Variants in CPOX observed in about 807,000 individuals in gnomAD.
The protein encoded by CPOX is oxygen-dependent coproporphyrinogen-III oxidase, mitochondrial.
In CPOX, 24 loss-of-function variants were observed where a neutral mutation model predicts 48.9. That is an observed-to-expected ratio of 0.49 (90% CI 0.36 to 0.69). The LOEUF (loss-of-function observed/expected upper bound fraction) is 0.69, where lower values mean the gene tolerates loss of function less well. CPOX is among the 30% of genes least tolerant of loss of function. The pLI, the probability that CPOX is intolerant of heterozygous loss-of-function variation, is 0.00. For synonymous variants in CPOX, 249 were observed against 234.6 expected (o/e 1.06, Z -0.56); for missense variants, 549 against 597.3 (o/e 0.92, Z 0.84).
chr3:98,585,144 T>C (rs1391626544), intron 5 of CPOX, among the ~76,000 whole-genome samples: 2 of 152,212 alleles, frequency 1.3e-5, no homozygotes, highest in Admixed American at 1.3e-4. Context: ...GAAGTCTACA[T>C]CTTGACATAA....
rs572522263 is a variant in CPOX at position 98,593,293 on chromosome 3, C to G, written c.212G>C (p.Gly71Ala). The change falls in exon 1 of 7, where the codon GGC becomes GCC. Residue 71 changes from glycine (G) to alanine (A), a missense_variant. Coordinates refer to ENST00000647941, the MANE Select transcript of CPOX (RefSeq NM_000097.7). ...GLGHGSTSRG[G>A]PWVGTGLAAA... ...GGCCAGCCCTGTCCCCACCCAGGGG[C>G]CGCCTCTCGACGTCGAGCCGTGCCC... 373 of 1,450,072 alleles carry G rather than the reference C, an allele frequency of 2.6e-4. No homozygotes were observed. In the African/African-American group the frequency reaches 4.8e-3, roughly 19 times the overall value. 89.8% of individuals were successfully genotyped at this position (1,450,072 alleles called of 1,614,324 possible). A position where few individuals can be genotyped will look rare whatever the true frequency, so the allele number is the denominator to read the frequency against.
In CPOX at chr3:98,593,556, G is replaced by A. The variant is rs1300021621; in HGVS notation, c.-52C>T. 2.0e-6 allele frequency: 3 copies of A among 1,492,616 alleles called. No homozygotes were observed. The highest frequency in any genetic ancestry group is 2.1e-5 in the Admixed American group (1 of 47,736). The allele number at this position is 1,492,616 out of a possible 1,614,324, so 92.5% of individuals were successfully genotyped here. On this transcript the variant is annotated 5_prime_UTR_variant, in exon 1 of 7. Transcript: ENST00000647941. ...GCCTGCGTCCCAGAGCCCTGCGTTT[G>A]AGCCCCCCACCCAGACCCCCGGAGT...
rs775384142 is a variant in CPOX, at chr3:98,579,607, C to T, written c.*1076G>A. 5.9e-5 allele frequency: 58 copies of T among 983,564 alleles called. No individual in the cohort carries two copies. Among genetic ancestry groups the T allele is most frequent in the South Asian group, 5.6e-4 (12 of 21,268 alleles). The allele number at this position is 983,564 out of a possible 1,614,324, so 60.9% of individuals were successfully genotyped here. A position where few individuals can be genotyped will look rare whatever the true frequency, so the allele number is the denominator to read the frequency against. The stretch of plus-strand genomic sequence containing the variant: ...ATGCTCTTCCTTATAAACTTTATTA[C>T]GAAGCAAATAAAATAATACATTCAT... On this transcript the variant is annotated 3_prime_UTR_variant, in exon 7 of 7. Coordinates refer to ENST00000647941, the MANE Select transcript of CPOX (RefSeq NM_000097.7).
intron 5 of CPOX, 77 bp downstream of exon 5, chr3:98,585,364 C>T (rs1464357316): frequency 2.6e-6 from 3 of 1,139,382 alleles, no homozygotes; most frequent in Non-Finnish European, 4.0e-6. Flanking sequence ...TATCTGACAA[C>T]ACAACACCCG....
chr3:98,578,990 GT>G (rs1707201227), downstream of CPOX, among the ~76,000 whole-genome samples: 2 of 152,324 alleles, frequency 1.3e-5, no homozygotes, highest in East Asian at 3.9e-4. Flanking sequence ...GGTTTGAAGA[GT>G]TTTGCTTCTT....
At chr3:98,588,959 G>A (rs1707421435) in intron 3 of CPOX, 105 bp from the exon 4 acceptor site, 2 of 1,328,416 alleles carry the variant, frequency 1.5e-6, no homozygotes, top group South Asian at 1.2e-5. Flanking sequence ...AGCATAAAAT[G>A]GATGACAATA....
At chr3:98,589,767 A>C (rs991482545) in intron 3 of CPOX, 1 of 152,340 alleles carries the variant, frequency 6.6e-6, no homozygotes, top group Non-Finnish European at 1.5e-5. Flanking sequence ...CTTCAAAATG[A>C]AAAGTTAAAG....
At chr3:98,574,685 G>A (rs572266108), downstream of CPOX, among the ~76,000 whole-genome samples, 3 of 152,142 alleles carry the variant, frequency 2.0e-5, no homozygotes, top group Non-Finnish European at 4.4e-5. Context: ...AGGTTCAAGC[G>A]ATTCTCCTGC....
At chr3:98,588,657 T>C in intron 4 of CPOX, 56 bp downstream of exon 4, 1 of 1,597,008 alleles carries the variant, frequency 6.3e-7, no homozygotes, top group Admixed American at 1.7e-5. Context: ...AATAGTTGCC[T>C]TCAGAAGGAA....
In CPOX at chr3:98,593,545, G is replaced by C. The variant is rs1707534267; in HGVS notation, c.-41C>G. 1.3e-6 allele frequency: 2 copies of C among 1,505,282 alleles called. No individual in the cohort carries two copies. The highest frequency in any genetic ancestry group is 1.4e-5 in the African/African-American group (1 of 71,226). 93.2% of individuals were successfully genotyped at this position (1,505,282 alleles called of 1,614,324 possible). A position where few individuals can be genotyped will look rare whatever the true frequency, so the allele number is the denominator to read the frequency against. On this transcript the variant is annotated 5_prime_UTR_variant, in exon 1 of 7. Transcript: ENST00000647941. ...CCTGGAGCAGTGCCTGCGTCCCAGAGCCCTGCGTTTGAGCCCCCCACCCAG... is the reference window on the plus strand; with the variant it reads ...CCTGGAGCAGTGCCTGCGTCCCAGACCCCTGCGTTTGAGCCCCCCACCCAG...
chr3:98,581,059 A>T (rs1406384830), intron 6 of CPOX, among the ~76,000 whole-genome samples: 1 of 152,018 alleles, frequency 6.6e-6, no homozygotes, highest in Non-Finnish European at 1.5e-5. Flanking sequence ...GTAGAAACTC[A>T]GGTGATCCAT....
chr3:98,581,973 G>C (rs1264505869), intron 5 of CPOX, among the ~76,000 whole-genome samples: 1 of 152,132 alleles, frequency 6.6e-6, no homozygotes, highest in African/African-American at 2.4e-5. Flanking sequence ...TGACCTGAAA[G>C]GCCAACTACA....
intron 4 of CPOX, among the ~76,000 whole-genome samples, chr3:98,587,154 A>T (rs1707380303): frequency 6.6e-6 from 1 of 152,124 alleles, no homozygotes; most frequent in African/African-American, 2.4e-5. Context: ...CAACAACAAA[A>T]AACAACAGAT....
chr3:98,571,505 G>C, the CPOX span, among the ~76,000 whole-genome samples: 2 of 151,244 alleles, frequency 1.3e-5, no homozygotes, highest in Admixed American at 1.3e-4. Context: ...CGGCTAAAAC[G>C]GTGAAACCCC....
chr3:98,593,348 G>T lies in CPOX; in HGVS notation c.157C>A (p.Pro53Thr). Residue 53 changes from proline (P) to threonine (T), a missense_variant, in exon 1 of 7, where the codon CCG (proline) becomes ACG (threonine). Pro to Thr is a conservative substitution (Grantham distance 38). Transcript: ENST00000647941. ...AAGRVCRPPG[P>T]AGTEQSRGLG... ...CCGCGGCTCTGCTCCGTGCCAGCCGGGCCAGGGGGCCGGCAGACGCGTCCG... is the reference window on the plus strand; with the variant it reads ...CCGCGGCTCTGCTCCGTGCCAGCCGTGCCAGGGGGCCGGCAGACGCGTCCG... The T allele has an allele frequency of 7.5e-7, 1 of 1,340,534 alleles. No homozygotes were observed. 83.0% of individuals were successfully genotyped at this position (1,340,534 alleles called of 1,614,324 possible). A position where few individuals can be genotyped will look rare whatever the true frequency, so the allele number is the denominator to read the frequency against.
rs939110503 is a variant in CPOX, at chr3:98,579,589, T to C, written c.*1094A>G. On this transcript the variant is annotated 3_prime_UTR_variant, in exon 7 of 7. Transcript: ENST00000647941. The stretch of plus-strand genomic sequence containing the variant: ...GATAATGATATGTATGAGATGCTCT[T>C]CCTTATAAACTTTATTACGAAGCAA... 2 of 985,166 alleles carry C rather than the reference T, an allele frequency of 2.0e-6. No individual in the cohort carries two copies. The highest frequency in any genetic ancestry group is 6.1e-5 in the Admixed American group (1 of 16,264). 61.0% of individuals were successfully genotyped at this position (985,166 alleles called of 1,614,324 possible).
At chr3:98,570,778 T>A in the CPOX span, among the ~76,000 whole-genome samples, 1 of 152,214 alleles carries the variant, frequency 6.6e-6, no homozygotes, top group Non-Finnish European at 1.5e-5. Context: ...AATCCAGCTG[T>A]AGAACACTAC....
chr3:98,574,908 C>T (rs910413578), downstream of CPOX, among the ~76,000 whole-genome samples: 1 of 152,054 alleles, frequency 6.6e-6, no homozygotes, highest in African/African-American at 2.4e-5. Flanking sequence ...TTTAAATGGT[C>T]TTTGAGGACA....
At position 98,588,970 on chromosome 3, in the gene CPOX, A is replaced by C. The variant is rs565173214; in HGVS notation, c.812-116T>G. 1.4e-5 allele frequency: 17 copies of C among 1,250,156 alleles called. 1 individual carries two copies. The African/African-American group carries it at 2.4e-4, about 18-fold the overall frequency. 77.4% of individuals were successfully genotyped at this position (1,250,156 alleles called of 1,614,324 possible). Reference sequence around the variant, plus strand: ...TTTCAGCATAAAATGGATGACAATAAAAAAAATTTTAACTGATTTTAGCTC... The same window carrying C: ...TTTCAGCATAAAATGGATGACAATACAAAAAATTTTAACTGATTTTAGCTC... On this transcript the variant is annotated intron_variant, in intron 3 of 6. Coordinates refer to ENST00000647941, the MANE Select transcript of CPOX (RefSeq NM_000097.7).
Sources: gnomAD v4.1 joint callset for allele counts (sites outside exome capture counted in the v4.1 genomes callset) on GRCh38, gnomAD v4.1.1 for gene constraint, MANE v1.5 for transcripts, NCBI Gene and HGNC (gene_info 2026-07-23, HGNC 2026-07-21) for gene names.